The following CADPS2 variants were observed in gnomAD, a reference collection of about 807,000 sequenced individuals.
CADPS2 encodes calcium dependent secretion activator 2, also known as calcium-dependent secretion activator 2.
A neutral mutation model predicts 172.5 loss-of-function variants in CADPS2; 93 were observed. The ratio of observed to expected loss-of-function variants is 0.54; its 90% CI spans 0.46 to 0.64. CADPS2 has a LOEUF of 0.64. Among genes scored for constraint, CADPS2 ranks in the 30% least tolerant of loss-of-function variants. The pLI, the probability that CADPS2 is intolerant of heterozygous loss-of-function variation, is 0.00. For missense variants in CADPS2, 1,420 were observed against 1,565.9 expected (o/e 0.91, Z 1.57); for synonymous variants, 546 against 555.2 (o/e 0.98, Z 0.23).
intron 17 of CADPS2, chr7:122,424,398 A>C: frequency 1.1e-6 from 1 of 877,380 alleles, no homozygotes; most frequent in Non-Finnish European, 1.4e-6. Context: ...AGAATTGGCC[A>C]CTAGAGTATA....
At chr7:122,405,330 G>A (rs562269491) in intron 20 of CADPS2, among the ~76,000 whole-genome samples, 48 of 152,202 alleles carry the variant, frequency 3.2e-4, no homozygotes, top group South Asian at 1.2e-3. Flanking sequence ...GTCATTCCAC[G>A]TTGGCTAGCT....
At chr7:122,323,592 A>G (rs1414669262) in intron 29 of CADPS2, among the ~76,000 whole-genome samples, 2 of 151,884 alleles carry the variant, frequency 1.3e-5, no homozygotes, top group Non-Finnish European at 2.9e-5. Flanking sequence ...CTCTTGCTTA[A>G]TCTTTAACTA....
intron 1 of CADPS2, among the ~76,000 whole-genome samples, chr7:122,875,371 A>G (rs894657103): frequency 3.9e-5 from 6 of 152,224 alleles, no homozygotes; most frequent in African/African-American, 1.4e-4. Flanking sequence ...GAATCTTTAC[A>G]CAACTAAGAG....
At chr7:122,447,071 C>A in intron 15 of CADPS2, among the ~76,000 whole-genome samples, 1 of 136,686 alleles carries the variant, frequency 7.3e-6, no homozygotes, top group African/African-American at 2.7e-5. Flanking sequence ...CACATTCCCC[C>A]ACTATAAACA....
At chr7:122,756,816 C>T (rs1589014098) in intron 1 of CADPS2, among the ~76,000 whole-genome samples, 1 of 151,956 alleles carries the variant, frequency 6.6e-6, no homozygotes, top group East Asian at 1.9e-4. Flanking sequence ...AGGAGAATTG[C>T]TTGAACCTGG....
At chr7:122,416,256 G>T in intron 17 of CADPS2, 92 bp from the exon 18 acceptor site, 4 of 496,060 alleles carry the variant, frequency 8.1e-6, no homozygotes, top group East Asian at 3.5e-5. Context: ...TGTTGAAATA[G>T]AATGAGAAAT....
chr7:122,698,530 T>C (rs760448512), intron 2 of CADPS2: 38 of 1,614,050 alleles, frequency 2.4e-5, no homozygotes, highest in Non-Finnish European at 2.8e-5. Context: ...TGGAACGTTA[T>C]AGATGATCAC....
In CADPS2 at chr7:122,816,907, G is replaced by A. The variant is rs13311198; in HGVS notation, c.339+69092C>T. On this transcript the variant is annotated intron_variant, in intron 1 of 29. Coordinates refer to ENST00000449022, the MANE Select transcript of CADPS2 (RefSeq NM_017954.11). ...TGGCCGATCCTTGCCTTAAATGATG[G>A]CATTACCTTGTGAAAGTCCTTTTCC... Among the ~76,000 whole-genome samples, 306 of 148,816 alleles carry A rather than the reference G, an allele frequency of 2.1e-3. 1 individual carries two copies. Among genetic ancestry groups the A allele is most frequent in the African/African-American group, 7.1e-3 (272 of 38,344 alleles).
At chr7:122,609,848 TA>T (rs2074071265) in intron 6 of CADPS2, among the ~76,000 whole-genome samples, 1 of 152,156 alleles carries the variant, frequency 6.6e-6, no homozygotes, top group African/African-American at 2.4e-5. Context: ...GTTGAAGCAT[TA>T]AAATTTGGAA....
chr7:122,787,183 C>A (rs1400177032), intron 1 of CADPS2, among the ~76,000 whole-genome samples: 9 of 152,154 alleles, frequency 5.9e-5, no homozygotes, highest in Admixed American at 3.9e-4. Flanking sequence ...TCTAAACACC[C>A]TGCACCTCAA....
At chr7:122,824,496 T>A (rs997837777) in intron 1 of CADPS2, among the ~76,000 whole-genome samples, 3 of 152,222 alleles carry the variant, frequency 2.0e-5, no homozygotes, top group East Asian at 3.8e-4. Flanking sequence ...TTTTTGAGAA[T>A]TAAGTATATT....
In CADPS2 at chr7:122,633,986, CTTTA is replaced by C. The variant is rs1408900813; in HGVS notation, c.787-4662_787-4659del. Among the ~76,000 whole-genome samples, 12 of 152,130 alleles carry C rather than the reference CTTTA, an allele frequency of 7.9e-5. No homozygotes were observed. In the East Asian group the frequency reaches 2.3e-3, roughly 29 times the overall value. ...TGGTTCTGTTTATGTGGTGAATTAT[CTTTA>C]TTTATTTGCTTATGTTGAGCCAACC... On this transcript the variant is annotated intron_variant, in intron 3 of 29. Coordinates refer to ENST00000449022, the MANE Select transcript of CADPS2 (RefSeq NM_017954.11).
chr7:122,621,132 G>A (rs1451784924), intron 5 of CADPS2, among the ~76,000 whole-genome samples: 1 of 151,834 alleles, frequency 6.6e-6, no homozygotes, highest in African/African-American at 2.4e-5. Flanking sequence ...AAACTTCTTG[G>A]CTTAAGTGAT....
chr7:122,608,462 T>C (rs1454957727), intron 6 of CADPS2, among the ~76,000 whole-genome samples: 4 of 152,198 alleles, frequency 2.6e-5, no homozygotes, highest in Admixed American at 2.6e-4. Context: ...GCATTCCATT[T>C]GTAGCTGCAA....
intron 2 of CADPS2, among the ~76,000 whole-genome samples, chr7:122,706,558 A>G (rs2087539055): frequency 6.8e-6 from 1 of 146,466 alleles, no homozygotes; most frequent in South Asian, 2.1e-4. Flanking sequence ...ATTCTACCTA[A>G]CTCTTGTTAA....
At chr7:122,608,227 A>G (rs2073845454) in intron 6 of CADPS2, among the ~76,000 whole-genome samples, 1 of 151,368 alleles carries the variant, frequency 6.6e-6, no homozygotes, top group African/African-American at 2.4e-5. Context: ...AAAAAAAAAA[A>G]GAAGGCACAG....
chr7:122,341,734 G>C lies in CADPS2; in HGVS notation c.3612+3840C>G, dbSNP rs547437372. Among the ~76,000 whole-genome samples the C allele has an allele frequency of 3.9e-5, 6 of 152,236 alleles. No homozygotes were observed. The East Asian group carries it at 1.2e-3, about 29-fold the overall frequency. On this transcript the variant is annotated intron_variant, in intron 28 of 29. Transcript: ENST00000449022. Reference sequence around the variant, plus strand: ...GGAGATGTTTTAACCTAAAAATAGGGATAAAATGGGATTGACGGGATCTAG... The same window carrying C: ...GGAGATGTTTTAACCTAAAAATAGGCATAAAATGGGATTGACGGGATCTAG...
intron 2 of CADPS2, among the ~76,000 whole-genome samples, chr7:122,694,752 T>C (rs962836241): frequency 2.0e-5 from 3 of 152,178 alleles, no homozygotes; most frequent in African/African-American, 7.2e-5. Flanking sequence ...CATTAAGAAC[T>C]AAATATTAAA....
chr7:122,323,226 C>T (rs2150698153), intron 29 of CADPS2, among the ~76,000 whole-genome samples: 1 of 152,214 alleles, frequency 6.6e-6, no homozygotes. Context: ...AGCCCTATGA[C>T]TTGATTAAAT....
Sources: gnomAD v4.1 joint callset for allele counts (sites outside exome capture counted in the v4.1 genomes callset) on GRCh38, gnomAD v4.1.1 for gene constraint, MANE v1.5 for transcripts, NCBI Gene and HGNC (gene_info 2026-07-23, HGNC 2026-07-21) for gene names.